SCN2A: variants seen among roughly 807,000 people sequenced by gnomAD.
The protein encoded by SCN2A is sodium channel protein type 2 subunit alpha.
Under a neutral mutation model 188.7 loss-of-function variants are expected in SCN2A, and 20 were observed. The ratio of observed to expected loss-of-function variants is 0.11; its 90% confidence interval spans 0.07 to 0.15. The LOEUF (loss-of-function observed/expected upper bound fraction) is 0.15, where lower values mean the gene tolerates loss of function less well. Ranked by LOEUF, SCN2A falls within the 10% of genes least tolerant of loss-of-function variation. SCN2A has a pLI of 1.00. For synonymous variants in SCN2A, 804 were observed against 833.1 expected, an observed-to-expected ratio of 0.97 and a Z score of 0.60; for missense variants, 1,278 against 2,445.0, an observed-to-expected ratio of 0.52 and a Z score of 10.07.
In SCN2A at chr2:165,315,488, ATCT is replaced by A. The variant is rs780584405; in HGVS notation, c.1402_1404del (p.Ser468del). On this transcript the variant is annotated inframe_deletion, in exon 11 of 27. Coordinates refer to ENST00000375437, the MANE Select transcript of SCN2A (RefSeq NM_001040142.2). Reference sequence around the variant, plus strand: ...CCTTCTAGGCGGCAGCTGCAGCCGCATCTGCTGAATCAAGAGACTTCAGTGGTG... The same window carrying A: ...CCTTCTAGGCGGCAGCTGCAGCCGCAGCTGAATCAAGAGACTTCAGTGGTG... 77 of 1,613,828 alleles carry A rather than the reference ATCT, an allele frequency of 4.8e-5. No homozygotes were observed. In the Admixed American group the frequency reaches 1.2e-3, roughly 26 times the overall value.
intron 25 of SCN2A, among the ~76,000 whole-genome samples, chr2:165,384,212 GTTTAAA>G (rs1474697788): frequency 6.6e-6 from 1 of 152,010 alleles, no homozygotes; most frequent in African/African-American, 2.4e-5. Flanking sequence ...TATTTAAACT[GTTTAAA>G]TTTAATGTTC....
chr2:165,251,012 A>G (rs1200532660), intron 1 of SCN2A, among the ~76,000 whole-genome samples: 1 of 152,134 alleles, frequency 6.6e-6, no homozygotes, highest in Non-Finnish European at 1.5e-5. Flanking sequence ...AATATTAAAT[A>G]TATTTTACAA....
chr2:165,377,666 G>A lies in SCN2A; in HGVS notation c.4308+16G>A. 1 of 1,592,960 alleles carries A rather than the reference G, an allele frequency of 6.3e-7. No homozygotes were observed. Among genetic ancestry groups the A allele is most frequent in the Non-Finnish European group, 8.6e-7 (1 of 1,164,566 alleles). ...TTCACGAAATGTAAGTCTAGTTAGA[G>A]GGAAATTGTTTAGTTTGATTAAATG... On this transcript the variant is annotated intron_variant, in intron 23 of 26. Transcript: ENST00000375437.
intron 17 of SCN2A, among the ~76,000 whole-genome samples, chr2:165,357,334 A>G (rs938603332): frequency 6.6e-6 from 1 of 152,216 alleles, no homozygotes; most frequent in East Asian, 1.9e-4. Flanking sequence ...ATTGTTAAAT[A>G]TCACAAAGTA....
chr2:165,258,985 A>G (rs145576243), intron 1 of SCN2A, among the ~76,000 whole-genome samples: 1 of 152,312 alleles, frequency 6.6e-6, no homozygotes, highest in Non-Finnish European at 1.5e-5. Flanking sequence ...CTTATTGGGT[A>G]CTAAGCTTAT....
intron 11 of SCN2A, among the ~76,000 whole-genome samples, chr2:165,318,675 A>G (rs1227346748): frequency 6.6e-6 from 1 of 152,134 alleles, no homozygotes. Context: ...CAACCCTTCT[A>G]TGGCTCCAGC....
intron 1 of SCN2A, chr2:165,266,822 G>A (rs1694887135): frequency 6.6e-6 from 1 of 151,998 alleles, no homozygotes; most frequent in South Asian, 2.1e-4. Flanking sequence ...CAGTAAAATT[G>A]CAGGATACAA....
At chr2:165,306,514 GT>G (rs1559350272) in intron 3 of SCN2A, among the ~76,000 whole-genome samples, 8 of 10,156 alleles carry the variant, frequency 7.9e-4, no homozygotes, top group African/African-American at 1.2e-3. Flanking sequence ...TTGTGTGTGT[GT>G]GTGTGTGTGT....
chr2:165,377,432 T>C (rs1047543153), intron 22 of SCN2A, among the ~76,000 whole-genome samples, 165 bp from the exon 23 acceptor site: 18 of 152,010 alleles, frequency 1.2e-4, no homozygotes, highest in African/African-American at 4.3e-4. Context: ...TTGAAGTATT[T>C]TCAATGCATA....
At chr2:165,378,377 A>C (rs1701424683) in intron 23 of SCN2A, among the ~76,000 whole-genome samples, 1 of 151,592 alleles carries the variant, frequency 6.6e-6, no homozygotes, top group Admixed American at 6.6e-5. Context: ...GGAGCAAGAA[A>C]GCATGAAAAG....
chr2:165,319,493 A>T (rs1697958338), intron 11 of SCN2A, among the ~76,000 whole-genome samples: 2 of 152,212 alleles, frequency 1.3e-5, no homozygotes. Context: ...TAAAAAGCAT[A>T]CTTATTGGTC....
intron 1 of SCN2A, chr2:165,266,439 A>C (rs1226278960): frequency 6.6e-6 from 1 of 152,116 alleles, no homozygotes; most frequent in Non-Finnish European, 1.5e-5. Flanking sequence ...ATTGAGCTTC[A>C]AAGAAGATGA....
At chr2:165,295,131 C>A (rs1181731700) in intron 1 of SCN2A, among the ~76,000 whole-genome samples, 1 of 152,204 alleles carries the variant, frequency 6.6e-6, no homozygotes, top group African/African-American at 2.4e-5. Flanking sequence ...CCTTCCTGTG[C>A]AGCTTCCGAG....
At chr2:165,381,654 T>C (rs1224256514) in intron 25 of SCN2A, among the ~76,000 whole-genome samples, 2 of 152,014 alleles carry the variant, frequency 1.3e-5, no homozygotes, top group Non-Finnish European at 2.9e-5. Context: ...GCCACAGGTT[T>C]TGCTTTTTTC....
chr2:165,381,186 C>T lies in SCN2A; in HGVS notation c.4540C>T (p.Pro1514Ser). ...LGSKKPQKPIPRPANKFQGMV... is the reference protein window; with the variant it reads ...LGSKKPQKPISRPANKFQGMV... Reference sequence around the variant, plus strand: ...TTCAAAGAAACCACAAAAACCCATACCTCGACCTGCTGTAAGAATAACATA... The same window carrying T: ...TTCAAAGAAACCACAAAAACCCATATCTCGACCTGCTGTAAGAATAACATA... Residue 1514 changes from proline (P) to serine (S), a missense_variant, in exon 25 of 27, where the codon CCT becomes TCT. Pro to Ser is a moderately conservative substitution (Grantham distance 74, BLOSUM62 -1). This residue lies in a region of SCN2A where 97 missense variants were observed against 266.1 expected (regional missense o/e 0.36). Coordinates refer to ENST00000375437, the MANE Select transcript of SCN2A (RefSeq NM_001040142.2). The T allele has an allele frequency of 6.3e-7, 1 of 1,575,220 alleles. No individual in the cohort carries two copies. Among genetic ancestry groups the T allele is most frequent in the South Asian group, 1.2e-5 (1 of 86,742 alleles).
intron 1 of SCN2A, among the ~76,000 whole-genome samples, chr2:165,249,486 C>A (rs1693998598): frequency 1.3e-5 from 2 of 151,940 alleles, no homozygotes; most frequent in Non-Finnish European, 2.9e-5. Context: ...GCTAACAATG[C>A]CAGATTTCTT....
At chr2:165,380,517 A>T in intron 23 of SCN2A, 75 bp from the exon 24 acceptor site, 1 of 1,069,788 alleles carries the variant, frequency 9.3e-7, no homozygotes, top group Non-Finnish European at 1.4e-6. Context: ...ATGCTTAGAT[A>T]ATTAAAAACT....
At chr2:165,250,377 G>T (rs1694032209) in intron 1 of SCN2A, among the ~76,000 whole-genome samples, 1 of 151,844 alleles carries the variant, frequency 6.6e-6, no homozygotes, top group South Asian at 2.1e-4. Context: ...GTGTTTGTTT[G>T]AGTAGACTTT....
At chr2:165,294,536 A>G (rs1049592960) in intron 1 of SCN2A, among the ~76,000 whole-genome samples, 2 of 152,188 alleles carry the variant, frequency 1.3e-5, no homozygotes, top group African/African-American at 2.4e-5. Flanking sequence ...TGTATGCTGC[A>G]GAAGTGAACT....
Sources: allele counts gnomAD v4.1 joint callset (sites outside exome capture counted in the v4.1 genomes callset), GRCh38; gene constraint gnomAD v4.1.1; regional missense constraint gnomAD v4.1.1; transcripts MANE v1.5; gene names NCBI Gene and HGNC (gene_info 2026-07-23, HGNC 2026-07-21).